BMPR2: variants seen among roughly 807,000 people sequenced by gnomAD.
BMPR2 encodes bone morphogenetic protein receptor type-2.
A neutral mutation model predicts 100.8 loss-of-function variants in BMPR2; 29 were observed. That is an observed-to-expected ratio of 0.29 (90% confidence interval 0.21 to 0.39). The LOEUF (loss-of-function observed/expected upper bound fraction) is 0.39. Among genes scored for constraint, BMPR2 ranks in the 10% least tolerant of loss-of-function variants. BMPR2 has a pLI of 1.00. For missense variants in BMPR2, 1,011 were observed against 1,274.5 expected, an observed-to-expected ratio of 0.79 and a Z score of 3.15; for synonymous variants, 382 against 442.3, an observed-to-expected ratio of 0.86 and a Z score of 1.71.
intron 1 of BMPR2, among the ~76,000 whole-genome samples, chr2:202,382,040 A>C (rs1193704567): frequency 3.4e-5 from 5 of 148,444 alleles, no homozygotes; most frequent in Non-Finnish European, 7.4e-5. Flanking sequence ...GTGCTGCTGG[A>C]TATCAGTTTT....
intron 10 of BMPR2, among the ~76,000 whole-genome samples, chr2:202,548,282 C>T (rs1405941377): frequency 6.6e-6 from 1 of 152,024 alleles, no homozygotes; most frequent in Non-Finnish European, 1.5e-5. Context: ...TCTGACACAA[C>T]CCACATTAAG....
chr2:202,397,990 C>T (rs540413299), intron 1 of BMPR2, among the ~76,000 whole-genome samples: 1 of 151,828 alleles, frequency 6.6e-6, no homozygotes, highest in South Asian at 2.1e-4. Flanking sequence ...GGCACGGTGG[C>T]AGGCACCTAT....
intron 7 of BMPR2, among the ~76,000 whole-genome samples, chr2:202,525,174 T>G (rs2106013009): frequency 6.6e-6 from 1 of 152,060 alleles, no homozygotes; most frequent in East Asian, 1.9e-4. Context: ...GGGTACATAG[T>G]AGTGTATATA....
intron 1 of BMPR2, among the ~76,000 whole-genome samples, chr2:202,397,523 G>A (rs1690677815): frequency 6.7e-6 from 1 of 148,200 alleles, no homozygotes; most frequent in African/African-American, 2.5e-5. Context: ...TTTTGAGTCA[G>A]GGTCTCTCTC....
intron 1 of BMPR2, among the ~76,000 whole-genome samples, chr2:202,453,605 A>C (rs746596587): frequency 1.6e-4 from 25 of 152,222 alleles, no homozygotes; most frequent in Non-Finnish European, 3.4e-4. Context: ...GCTCAAAATT[A>C]AAACAATTGA....
At chr2:202,397,987 TG>T (rs1020266806) in intron 1 of BMPR2, among the ~76,000 whole-genome samples, 1 of 151,664 alleles carries the variant, frequency 6.6e-6, no homozygotes, top group African/African-American at 2.4e-5. Flanking sequence ...CCAGGCACGG[TG>T]GCAGGCACCT....
At chr2:202,505,841 G>T (rs1687510196) in intron 3 of BMPR2, among the ~76,000 whole-genome samples, 1 of 152,158 alleles carries the variant, frequency 6.6e-6, no homozygotes, top group Non-Finnish European at 1.5e-5. Flanking sequence ...ATCAATAATA[G>T]ACTACTTATT....
At chr2:202,384,536 C>CTT (rs1351121076) in intron 1 of BMPR2, among the ~76,000 whole-genome samples, 2 of 87,328 alleles carry the variant, frequency 2.3e-5, no homozygotes, top group Admixed American at 2.6e-4. Flanking sequence ...CTTTCTCTTT[C>CTT]TTTCTTTCTT....
intron 1 of BMPR2, among the ~76,000 whole-genome samples, chr2:202,399,921 G>A (rs1009032801): frequency 1.3e-5 from 2 of 152,126 alleles, no homozygotes; most frequent in Admixed American, 1.3e-4. Context: ...AGACCAATCC[G>A]GGGAGCATAG....
At chr2:202,506,045 G>T (rs1687513643) in intron 3 of BMPR2, among the ~76,000 whole-genome samples, 1 of 152,174 alleles carries the variant, frequency 6.6e-6, no homozygotes, top group South Asian at 2.1e-4. Context: ...AATAGTGCCT[G>T]CAGATGGTTG....
intron 3 of BMPR2, among the ~76,000 whole-genome samples, chr2:202,483,371 TTTTG>T (rs938564537): frequency 5.9e-5 from 9 of 151,930 alleles, no homozygotes; most frequent in Non-Finnish European, 1.3e-4. Context: ...GTTGGTTGGT[TTTTG>T]TTTTTTTGTT....
At chr2:202,395,587 A>G (rs1003100473) in intron 1 of BMPR2, among the ~76,000 whole-genome samples, 1 of 152,230 alleles carries the variant, frequency 6.6e-6, no homozygotes, top group Non-Finnish European at 1.5e-5. Flanking sequence ...GCACATAGAT[A>G]GTAATAATTT....
chr2:202,412,990 T>C (rs1691044425), intron 1 of BMPR2, among the ~76,000 whole-genome samples: 1 of 152,226 alleles, frequency 6.6e-6, no homozygotes, highest in Admixed American at 6.5e-5. Context: ...TAAATGTTCC[T>C]ACTCACTGAA....
At chr2:202,424,889 T>G (rs887215012) in intron 1 of BMPR2, among the ~76,000 whole-genome samples, 1 of 152,168 alleles carries the variant, frequency 6.6e-6, no homozygotes, top group African/African-American at 2.4e-5. Context: ...GAGATAGATA[T>G]GTTAAAATAA....
In BMPR2 at chr2:202,559,683, C is replaced by T. The variant is rs767041764; in HGVS notation, c.2867-13C>T. On this transcript the variant is annotated splice_polypyrimidine_tract_variant and intron_variant, in intron 12 of 12. Coordinates refer to ENST00000374580, the MANE Select transcript of BMPR2 (RefSeq NM_001204.7). Reference sequence around the variant, plus strand: ...TTGTTAAATAGCTCATTTTTCTGCACTTTTATTTTCAGTAGGTGAGTCAAC... The same window carrying T: ...TTGTTAAATAGCTCATTTTTCTGCATTTTTATTTTCAGTAGGTGAGTCAAC... 4 of 1,613,690 alleles carry T rather than the reference C, an allele frequency of 2.5e-6. No individual in the cohort carries two copies. In the Admixed American group the frequency reaches 6.7e-5, roughly 27 times the overall value.
At chr2:202,433,705 C>G (rs1009856850) in intron 1 of BMPR2, among the ~76,000 whole-genome samples, 33 of 150,402 alleles carry the variant, frequency 2.2e-4, no homozygotes, top group Non-Finnish European at 4.9e-4. Flanking sequence ...GTCAAGAGAT[C>G]AAGACCATCC....
At chr2:202,449,498 G>T (rs1331644593) in intron 1 of BMPR2, among the ~76,000 whole-genome samples, 1 of 152,082 alleles carries the variant, frequency 6.6e-6, no homozygotes, top group African/African-American at 2.4e-5. Context: ...AAGTGTTTGT[G>T]CAAACAGTGT....
At position 202,532,554 on chromosome 2, in the gene BMPR2, CT is replaced by C. The variant is rs757439319; in HGVS notation, c.1129-30del. 6.2e-7 allele frequency: 1 copy of C among 1,610,228 alleles called. No homozygotes were observed. Among genetic ancestry groups the C allele is most frequent in the Non-Finnish European group, 8.5e-7 (1 of 1,176,706 alleles). The stretch of plus-strand genomic sequence containing the variant: ...TGTTCTTCAGAATATGCTACGTTCT[CT>C]CTCTAAAAAATATCACTCTAATTTA... On this transcript the variant is annotated intron_variant, in intron 8 of 12. Transcript: ENST00000374580. The surrounding 1 kb of genome is among the most constrained non-coding windows in gnomAD (Gnocchi z 4.1).
chr2:202,535,946 T>C (rs1361421913), intron 9 of BMPR2, among the ~76,000 whole-genome samples: 1 of 146,876 alleles, frequency 6.8e-6, no homozygotes, highest in Non-Finnish European at 1.5e-5. Flanking sequence ...TGGCGGCGCG[T>C]GCCTGCAATC....
Sources: allele counts gnomAD v4.1 joint callset (sites outside exome capture counted in the v4.1 genomes callset), GRCh38; gene constraint gnomAD v4.1.1; non-coding constraint Gnocchi (gnomAD v3.1); transcripts MANE v1.5; gene names NCBI Gene and HGNC (gene_info 2026-07-23, HGNC 2026-07-21).